Variants in EBPL observed in about 807,000 individuals in gnomAD.
EBPL encodes emopamil-binding protein-like.
A neutral mutation model predicts 19.0 loss-of-function variants in EBPL; 20 were observed. That is an observed-to-expected ratio of 1.05 (90% CI 0.74 to 1.53). The LOEUF (loss-of-function observed/expected upper bound fraction) is 1.53, where lower values mean the gene tolerates loss of function less well. Among genes scored for constraint, EBPL ranks in the 40% most tolerant of loss-of-function variants. The probability of loss-of-function intolerance (pLI) is 0.00; values close to 1 mark genes in which losing one functional copy is unlikely to be tolerated. For synonymous variants in EBPL, 107 were observed against 117.0 expected, an observed-to-expected ratio of 0.91 and a Z score of 0.55; for missense variants, 219 against 261.1, an observed-to-expected ratio of 0.84 and a Z score of 1.11.
chr13:49,679,865 GA>G (rs879577714), intron 1 of EBPL, among the ~76,000 whole-genome samples: 1 of 149,154 alleles, frequency 6.7e-6, no homozygotes. Context: ...TCCTAACCAA[GA>G]AAAAAATAGA....
intron 2 of EBPL, among the ~76,000 whole-genome samples, chr13:49,667,567 T>C (rs1336736818): frequency 6.6e-6 from 1 of 152,106 alleles, no homozygotes; most frequent in African/African-American, 2.4e-5. Context: ...CACTTTGGAG[T>C]CTGGGAAGTA....
At position 49,670,452 on chromosome 13, in the gene EBPL, A is replaced by G. The variant is rs577391341; in HGVS notation, c.172-606T>C. ...CTAAGATTTCTAAAACTAAACAGCT[A>G]GAAGCCACTGGGATATGTAATTGTC... is the stretch of plus-strand genomic sequence containing the variant. On this transcript the variant is annotated intron_variant, in intron 1 of 3. Coordinates refer to ENST00000242827, the MANE Select transcript of EBPL (RefSeq NM_032565.5). Among the ~76,000 whole-genome samples, 5 of 152,366 alleles carry G rather than the reference A, an allele frequency of 3.3e-5. No homozygotes were observed. The South Asian group carries it at 6.2e-4, about 19-fold the overall frequency.
intron 1 of EBPL, among the ~76,000 whole-genome samples, chr13:49,680,675 A>G (rs932239020): frequency 1.3e-5 from 2 of 152,176 alleles, no homozygotes; most frequent in Non-Finnish European, 2.9e-5. Context: ...TACAAAAATT[A>G]GCTGCGCGTG....
chr13:49,686,331 C>T, intron 1 of EBPL: 1 of 907,668 alleles, frequency 1.1e-6, no homozygotes, highest in Non-Finnish European at 1.5e-6. Context: ...CCTGCTCTTC[C>T]TCCGCCCACC....
chr13:49,675,884 T>C (rs1279309317), intron 1 of EBPL, among the ~76,000 whole-genome samples: 1 of 151,732 alleles, frequency 6.6e-6, no homozygotes, highest in African/African-American at 2.4e-5. Flanking sequence ...TATTGTTTTT[T>C]TTTTTTTAAT....
At position 49,674,078 on chromosome 13, in the gene EBPL, A is replaced by C. The variant is rs150017655; in HGVS notation, c.172-4232T>G. Among the ~76,000 whole-genome samples, 67 of 152,112 alleles carry C rather than the reference A, an allele frequency of 4.4e-4. No homozygotes were observed. The East Asian group carries it at 9.3e-3, about 21-fold the overall frequency. ...GTTATATTATACTATAGTTTTACAAAATTTTTGGTACCAAAATTATCAAAA... is the reference window on the plus strand; with the variant it reads ...GTTATATTATACTATAGTTTTACAACATTTTTGGTACCAAAATTATCAAAA... On this transcript the variant is annotated intron_variant, in intron 1 of 3. Coordinates refer to ENST00000242827, the MANE Select transcript of EBPL (RefSeq NM_032565.5).
intron 2 of EBPL, among the ~76,000 whole-genome samples, chr13:49,666,173 G>A (rs1335399480): frequency 2.6e-5 from 4 of 152,206 alleles, no homozygotes; most frequent in African/African-American, 9.6e-5. Context: ...GGTGGGATGA[G>A]CCCTGGTTCC....
intron 2 of EBPL, chr13:49,668,300 G>A (rs989947828): frequency 3.7e-5 from 7 of 189,248 alleles, no homozygotes; most frequent in African/African-American, 1.2e-4. Flanking sequence ...TGGGCCAGGC[G>A]CGGTGGCTCA....
intron 1 of EBPL, among the ~76,000 whole-genome samples, chr13:49,679,185 A>C (rs1215864445): frequency 1.3e-5 from 2 of 152,130 alleles, no homozygotes; most frequent in Non-Finnish European, 2.9e-5. Context: ...CTTTATATTA[A>C]ATGAACTGTA....
At chr13:49,669,313 G>A (rs758466448) in intron 2 of EBPL, among the ~76,000 whole-genome samples, 14 of 152,122 alleles carry the variant, frequency 9.2e-5, no homozygotes, top group Non-Finnish European at 1.8e-4. Context: ...AGATTCTCCC[G>A]CCTCAGCCTC....
chr13:49,690,512 C>T (rs1469437489), intron 1 of EBPL, among the ~76,000 whole-genome samples: 1 of 148,128 alleles, frequency 6.8e-6, no homozygotes, highest in Non-Finnish European at 1.5e-5. Flanking sequence ...TGGTGGGGGG[C>T]GGGGCATTTC....
intron 1 of EBPL, among the ~76,000 whole-genome samples, chr13:49,677,836 G>C (rs1303347727): frequency 6.6e-6 from 1 of 152,168 alleles, no homozygotes; most frequent in East Asian, 1.9e-4. Context: ...CGCGGTGAGT[G>C]TTAGTTCTTA....
At position 49,660,698 on chromosome 13, in the gene EBPL, T is replaced by C; in HGVS notation, c.*270A>G. The C allele has an allele frequency of 3.0e-6, 1 of 334,494 alleles. No homozygotes were observed. Among genetic ancestry groups the C allele is most frequent in the Non-Finnish European group, 5.4e-6 (1 of 185,074 alleles). 20.7% of individuals were successfully genotyped at this position (334,494 alleles called of 1,614,324 possible). On this transcript the variant is annotated 3_prime_UTR_variant, in exon 4 of 4. Transcript: ENST00000242827. The stretch of plus-strand genomic sequence containing the variant: ...ATTCTAAGATAATTGGTTTTACTAA[T>C]GTGGAACAATTAATGCCAGCCATAA...
At chr13:49,680,099 G>A (rs1953925817) in intron 1 of EBPL, among the ~76,000 whole-genome samples, 1 of 152,112 alleles carries the variant, frequency 6.6e-6, no homozygotes, top group South Asian at 2.1e-4. Context: ...GTTGGTGGGA[G>A]GGGCCTGCTT....
intron 1 of EBPL, among the ~76,000 whole-genome samples, chr13:49,682,428 A>G (rs1255101616): frequency 6.6e-6 from 1 of 152,242 alleles, no homozygotes; most frequent in African/African-American, 2.4e-5. Flanking sequence ...GGATGGGATG[A>G]CAAATGCTAA....
At chr13:49,690,546 C>T (rs915716308) in intron 1 of EBPL, among the ~76,000 whole-genome samples, 1 of 151,932 alleles carries the variant, frequency 6.6e-6, no homozygotes, top group Non-Finnish European at 1.5e-5. Context: ...TAAACACAAC[C>T]TTCCTGGCTA....
intron 3 of EBPL, 76 bp from the exon 4 acceptor site, chr13:49,661,284 G>GTAATGGCGGCATCAACA: frequency 8.4e-7 from 1 of 1,183,550 alleles, no homozygotes; most frequent in South Asian, 1.4e-5. Context: ...CATCTTGTCT[G>GTAATGGCGGCATCAACA]TAATGGCGGC....
intron 1 of EBPL, among the ~76,000 whole-genome samples, chr13:49,687,026 C>T (rs915131622): frequency 1.3e-5 from 2 of 152,128 alleles, no homozygotes; most frequent in Non-Finnish European, 2.9e-5. Flanking sequence ...AGGCTGGTCT[C>T]GCAACTCCTA....
intron 3 of EBPL, among the ~76,000 whole-genome samples, chr13:49,661,536 A>T (rs1297738847): frequency 1.3e-5 from 2 of 152,190 alleles, no homozygotes; most frequent in South Asian, 2.1e-4. Context: ...TCTGAATCTC[A>T]CCATGAGCCA....
Sources: gnomAD v4.1 joint callset for allele counts (sites outside exome capture counted in the v4.1 genomes callset) on GRCh38, gnomAD v4.1.1 for gene constraint, MANE v1.5 for transcripts, NCBI Gene and HGNC (gene_info 2026-07-23, HGNC 2026-07-21) for gene names.